The following DPP3 variants were observed in gnomAD, a reference collection of about 807,000 sequenced individuals.
DPP3 encodes DPP III.
Under a neutral mutation model 89.8 loss-of-function variants are expected in DPP3, and 64 were observed. The ratio of observed to expected loss-of-function variants is 0.71; its 90% CI spans 0.58 to 0.88. The LOEUF (loss-of-function observed/expected upper bound fraction) is 0.88. Among genes scored for constraint, DPP3 ranks in the 40% least tolerant of loss-of-function variants. DPP3 has a pLI of 0.00. For missense variants in DPP3, 835 were observed against 972.5 expected (o/e 0.86, Z 1.88); for synonymous variants, 377 against 404.3 (o/e 0.93, Z 0.81).
intron 6 of DPP3, 27 bp downstream of exon 6, chr11:66,488,034 T>A (rs202223770): frequency 6.5e-5 from 104 of 1,608,210 alleles, no homozygotes; most frequent in Non-Finnish European, 8.4e-5. Flanking sequence ...GCTTCCCTTC[T>A]GCTCCCTCCT....
At chr11:66,505,353 T>C (rs11227499) in intron 17 of DPP3, among the ~76,000 whole-genome samples, 32,286 of 152,168 alleles carry the variant, frequency 0.21, 3,881 homozygotes, top group East Asian at 0.27. Context: ...TTCCTGCTAC[T>C]TGTCACTTGA....
Position 66,493,161 on chromosome 11 carries a change from T to C in DPP3, c.1278T>C (p.Phe426=). 8 of 1,613,934 alleles carry C rather than the reference T, an allele frequency of 5.0e-6. No individual in the cohort carries two copies. The highest frequency in any genetic ancestry group is 1.3e-5 in the African/African-American group (1 of 75,074). The change falls in exon 11 of 18, where the codon TTT becomes TTC. Residue 426 remains phenylalanine, a synonymous_variant. Coordinates refer to ENST00000531863, the MANE Select transcript of DPP3 (RefSeq NM_130443.4). ...AYATQREKLT[F]LEEDDKDLYI... ...CCACGCAGCGGGAGAAGCTTACCTT[T>C]CTGGAGGAGGATGACAAGGTGGGCG...
At chr11:66,495,870 T>C in intron 15 of DPP3, 120 bp downstream of exon 15, 1 of 1,466,168 alleles carries the variant, frequency 6.8e-7, no homozygotes. Flanking sequence ...AATGCTAGAC[T>C]CCACTGTTTG....
chr11:66,489,598 A>G (rs1387410959), intron 6 of DPP3, among the ~76,000 whole-genome samples: 1 of 152,182 alleles, frequency 6.6e-6, no homozygotes, highest in African/African-American at 2.4e-5. Context: ...GTCATAATCT[A>G]TTGCTGTGGA....
Position 66,490,142 on chromosome 11 carries a change from A to T in DPP3, c.668-1111A>T, listed in dbSNP as rs1468477215. ...CAACTGGGCAACCTTACAAGATCCT[A>T]TCTAAAAAAAAAAAAAAAAAAAAAA... On this transcript the variant is annotated intron_variant, in intron 6 of 17. Coordinates refer to ENST00000531863, the MANE Select transcript of DPP3 (RefSeq NM_130443.4). Among the ~76,000 whole-genome samples the T allele has an allele frequency of 4.2e-5, 5 of 120,242 alleles. No individual in the cohort carries two copies. In the East Asian group the frequency reaches 1.2e-3, roughly 29 times the overall value. 78.9% of individuals were successfully genotyped at this position (120,242 alleles called of 152,430 possible). A position where few individuals can be genotyped will look rare whatever the true frequency, so the allele number is the denominator to read the frequency against.
At chr11:66,488,055 G>T in intron 6 of DPP3, 48 bp downstream of exon 6, 1 of 1,564,716 alleles carries the variant, frequency 6.4e-7, no homozygotes, top group South Asian at 1.2e-5. Flanking sequence ...GGGCATTTCC[G>T]GACCTGGGTG....
Position 66,487,261 on chromosome 11 carries a change from C to T in DPP3, c.499-7C>T, listed in dbSNP as rs1325011902. ...CTCTTTCTCATGTCCCCTGTCTTCCCCAACAGGGAATCACCACCTATTTCT... is the reference window on the plus strand; with the variant it reads ...CTCTTTCTCATGTCCCCTGTCTTCCTCAACAGGGAATCACCACCTATTTCT... On this transcript the variant is annotated splice_region_variant and splice_polypyrimidine_tract_variant and intron_variant, in intron 4 of 17. Coordinates refer to ENST00000531863, the MANE Select transcript of DPP3 (RefSeq NM_130443.4). 1.2e-6 allele frequency: 2 copies of T among 1,613,760 alleles called. No homozygotes were observed. Among genetic ancestry groups the T allele is most frequent in the African/African-American group, 2.7e-5 (2 of 74,888 alleles).
At chr11:66,491,167 C>T (rs1047834826) in intron 6 of DPP3, 86 bp from the exon 7 acceptor site, 15 of 1,579,566 alleles carry the variant, frequency 9.5e-6, no homozygotes, top group Admixed American at 3.9e-5. Flanking sequence ...GGGGAAAAGC[C>T]GGCTGAGGTG....
chr11:66,485,256 G>A lies in DPP3; in HGVS notation c.354G>A (p.Leu118=), dbSNP rs774445764. 1.5e-5 allele frequency: 25 copies of A among 1,613,904 alleles called. No individual in the cohort carries two copies. The African/African-American group carries it at 3.2e-4, about 21-fold the overall frequency. ...GTGACACCAAGTTTGTTCCCAACTTGCCCAAGGTGAGCCAAGGGAGGGTTG... is the reference window on the plus strand; with the variant it reads ...GTGACACCAAGTTTGTTCCCAACTTACCCAAGGTGAGCCAAGGGAGGGTTG... ...SFGDTKFVPN[L]PKEKLERVIL... Residue 118 remains leucine, a synonymous_variant, in exon 3 of 18, where the codon TTG becomes TTA. Coordinates refer to ENST00000531863, the MANE Select transcript of DPP3 (RefSeq NM_130443.4).
In DPP3 at chr11:66,495,631, A is replaced by G. The variant is rs1035820494; in HGVS notation, c.1579A>G (p.Ile527Val). Residue 527 changes from isoleucine to valine, a missense_variant and splice_region_variant, in exon 15 of 18, where the codon ATC (isoleucine) becomes GTC (valine). Ile to Val is a conservative substitution (Grantham distance 29, BLOSUM62 3). Coordinates refer to ENST00000531863, the MANE Select transcript of DPP3 (RefSeq NM_130443.4). ...GCCACCTGCCTGCCCCTCTCACAGG[A>G]TCTTTGGCTTTGAGGGGGCTGATGC... The part of the protein sequence containing the change: ...YLCLHPQVLE[I>V]FGFEGADAED... The G allele has an allele frequency of 2.5e-6, 4 of 1,613,982 alleles. No homozygotes were observed. In the African/African-American group the frequency reaches 4.0e-5, roughly 16 times the overall value.
intron 6 of DPP3, among the ~76,000 whole-genome samples, chr11:66,490,772 GT>G (rs1188892393): frequency 7.2e-4 from 95 of 131,888 alleles, no homozygotes; most frequent in African/African-American, 1.5e-3. Context: ...TTTTTGTTTT[GT>G]TTTTTTTTTT....
rs1220127903 is a variant in DPP3, at chr11:66,487,348, G to C, written c.573+6G>C. The C allele has an allele frequency of 6.2e-6, 10 of 1,613,884 alleles. No homozygotes were observed. The highest frequency in any genetic ancestry group is 8.5e-6 in the Non-Finnish European group (10 of 1,179,852). On this transcript the variant is annotated splice_donor_region_variant and intron_variant, in intron 5 of 17. Transcript: ENST00000531863. ...AGGACTTTCTGGACTCACAGGTTTG[G>C]GGTTAGGGGAGCTCAAGGTAGCAGA...
chr11:66,495,247 C>T lies in DPP3; in HGVS notation c.1431C>T (p.Ile477=). The change falls in exon 13 of 18, where the codon ATC becomes ATT. Residue 477 remains isoleucine (I), a synonymous_variant. Transcript: ENST00000531863. ...TCAACTTTGACCAGGAAACAGTGAT[C>T]AACCCAGAGACGGGCGAGCAGGTGA... ...GAFNFDQETV[I]NPETGEQIQS... 1 of 1,612,894 alleles carries T rather than the reference C, an allele frequency of 6.2e-7. No homozygotes were observed. Among genetic ancestry groups the T allele is most frequent in the Admixed American group, 1.7e-5 (1 of 60,028 alleles).
chr11:66,497,789 G>A (rs1359681425), intron 16 of DPP3, among the ~76,000 whole-genome samples: 1 of 151,962 alleles, frequency 6.6e-6, no homozygotes, highest in Non-Finnish European at 1.5e-5. Flanking sequence ...TACTCTGGAG[G>A]CGGAAGTGGG....
rs749472859 is a variant in DPP3 at position 66,486,529 on chromosome 11, T to A, written c.361-11T>A. Reference sequence around the variant, plus strand: ...GGTGTGACTGGGCCATTGGCCTCCCTTTCCTTGCAGGAAAAGCTGGAACGG... The same window carrying A: ...GGTGTGACTGGGCCATTGGCCTCCCATTCCTTGCAGGAAAAGCTGGAACGG... On this transcript the variant is annotated splice_polypyrimidine_tract_variant and intron_variant, in intron 3 of 17. Transcript: ENST00000531863. 1.3e-6 allele frequency: 2 copies of A among 1,497,382 alleles called. No homozygotes were observed. The highest frequency in any genetic ancestry group is 1.8e-6 in the Non-Finnish European group (2 of 1,119,314). The allele number at this position is 1,497,382 out of a possible 1,614,324, so 92.8% of individuals were successfully genotyped here.
intron 16 of DPP3, among the ~76,000 whole-genome samples, chr11:66,499,890 A>G (rs1855636424): frequency 1.3e-5 from 2 of 152,042 alleles, no homozygotes; most frequent in South Asian, 4.1e-4. Context: ...TGCCTAATTT[A>G]TAAATTAAAC....
At chr11:66,487,851 C>A in intron 5 of DPP3, 63 bp from the exon 6 acceptor site, 2 of 1,510,628 alleles carry the variant, frequency 1.3e-6, no homozygotes, top group South Asian at 1.2e-5. Context: ...ACCCATTTTC[C>A]TTCCTCCCAC....
Position 66,496,514 on chromosome 11 carries a change from A to C in DPP3, c.1698+764A>C, listed in dbSNP as rs549029882. 3.0e-4 allele frequency among the ~76,000 whole-genome samples: 45 copies of C among 151,774 alleles called. 1 individual carries two copies. In the East Asian group the frequency reaches 8.8e-3, roughly 30 times the overall value. ...ACTGCAAACTCCATCTCCTGGGTTC[A>C]CGCCATTCTCTCGCCTCAGCCTCCC... On this transcript the variant is annotated intron_variant, in intron 15 of 17. Coordinates refer to ENST00000531863, the MANE Select transcript of DPP3 (RefSeq NM_130443.4).
At chr11:66,490,795 G>A (rs138727843) in intron 6 of DPP3, among the ~76,000 whole-genome samples, 256 of 148,002 alleles carry the variant, frequency 1.7e-3, no homozygotes, top group African/African-American at 6.0e-3. Context: ...TTGAGATGGA[G>A]TCTCTTCTCT....
Sources: gnomAD v4.1 joint callset for allele counts (sites outside exome capture counted in the v4.1 genomes callset) on GRCh38, gnomAD v4.1.1 for gene constraint, MANE v1.5 for transcripts, NCBI Gene and HGNC (gene_info 2026-07-23, HGNC 2026-07-21) for gene names.